The following XYLT1 variants were observed in gnomAD, a reference collection of about 807,000 sequenced individuals.
XYLT1 encodes xylosyltransferase 1.
Under a neutral mutation model 91.3 loss-of-function variants are expected in XYLT1, and 36 were observed. The observed-to-expected ratio is 0.39, with a 90% confidence interval of 0.30 to 0.52. XYLT1 has a LOEUF of 0.52. Among genes scored for constraint, XYLT1 ranks in the 20% least tolerant of loss-of-function variants. XYLT1 has a pLI of 0.68. For synonymous variants in XYLT1, 588 were observed against 532.0 expected, an observed-to-expected ratio of 1.11 and a Z score of -1.45; for missense variants, 1,242 against 1,284.5, an observed-to-expected ratio of 0.97 and a Z score of 0.51.
chr16:17,184,185 C>CTT (rs71390593), intron 5 of XYLT1, among the ~76,000 whole-genome samples: 6,138 of 107,424 alleles, frequency 0.057, 412 homozygotes, highest in African/African-American at 0.11. Context: ...TAAAAGACGG[C>CTT]TTTTTTTTTT....
chr16:17,160,160 G>C (rs1449778881), intron 5 of XYLT1, among the ~76,000 whole-genome samples: 1 of 152,172 alleles, frequency 6.6e-6, no homozygotes, highest in Non-Finnish European at 1.5e-5. Flanking sequence ...TGTGTCCAAG[G>C]ATGTCATTTA....
At chr16:17,127,616 C>T in intron 10 of XYLT1, 50 bp downstream of exon 10, 3 of 1,572,906 alleles carry the variant, frequency 1.9e-6, no homozygotes, top group African/African-American at 1.4e-5. Flanking sequence ...TAGAATCTGG[C>T]CGAGGGAAAT....
rs1367135428 is a variant in XYLT1, at chr16:17,312,521, G to A, written c.402+45491C>T. Among the ~76,000 whole-genome samples, 1 of 152,164 alleles carries A rather than the reference G, an allele frequency of 6.6e-6. No homozygotes were observed. The highest frequency in any genetic ancestry group is 1.5e-5 in the Non-Finnish European group (1 of 68,038). ...GAGGTTGCCAAGATAGCAGAGTTCTGCACTCCCTCACCCAGCTTCCCCCAA... is the reference window on the plus strand; with the variant it reads ...GAGGTTGCCAAGATAGCAGAGTTCTACACTCCCTCACCCAGCTTCCCCCAA... On this transcript the variant is annotated intron_variant, in intron 2 of 11. Transcript: ENST00000261381. The surrounding 1 kb of genome is among the most constrained non-coding windows in gnomAD (Gnocchi z 4.4).
chr16:17,200,427 G>A (rs2032516958), intron 4 of XYLT1, 55 bp downstream of exon 4: 1 of 1,584,118 alleles, frequency 6.3e-7, no homozygotes, highest in African/African-American at 1.3e-5. Context: ...TATCAGGGAG[G>A]GACGGACAGA....
At chr16:17,334,589 G>A (rs2034949804) in intron 2 of XYLT1, among the ~76,000 whole-genome samples, 1 of 152,152 alleles carries the variant, frequency 6.6e-6, no homozygotes. Context: ...ATGTGTAGGT[G>A]TAGCATTTAA....
chr16:17,398,904 G>C (rs1682781526), intron 1 of XYLT1, among the ~76,000 whole-genome samples: 1 of 144,978 alleles, frequency 6.9e-6, no homozygotes, highest in African/African-American at 2.6e-5. Context: ...GAGTGCAGTG[G>C]CTCGATCTCG....
At chr16:17,223,453 A>C (rs2033008638) in intron 3 of XYLT1, among the ~76,000 whole-genome samples, 1 of 152,268 alleles carries the variant, frequency 6.6e-6, no homozygotes, top group Non-Finnish European at 1.5e-5. Flanking sequence ...GTTTGCAGTC[A>C]GGTCTTGCCA....
chr16:17,311,362 CCT>C (rs1308403698), intron 2 of XYLT1, among the ~76,000 whole-genome samples: 3 of 152,176 alleles, frequency 2.0e-5, no homozygotes, highest in Non-Finnish European at 4.4e-5. Context: ...GCTTCAGTAG[CCT>C]GCTCATCAGA....
chr16:17,443,047 T>G (rs1330482729), intron 1 of XYLT1, among the ~76,000 whole-genome samples: 1 of 152,172 alleles, frequency 6.6e-6, no homozygotes, highest in African/African-American at 2.4e-5. Context: ...GCAGACCGCT[T>G]GGGTGCAAAT....
chr16:17,128,411 T>C lies in XYLT1; in HGVS notation c.2028-550A>G, dbSNP rs529455820. Among the ~76,000 whole-genome samples the C allele has an allele frequency of 7.9e-5, 12 of 152,318 alleles. No homozygotes were observed. The East Asian group carries it at 2.3e-3, about 29-fold the overall frequency. On this transcript the variant is annotated intron_variant, in intron 9 of 11. Transcript: ENST00000261381. ...GTGTTTCATCATAGTTAATACCAGA[T>C]TTGATAGAGCAAGTTCTCTAGCATT...
At chr16:17,173,592 C>T (rs1212580578) in intron 5 of XYLT1, among the ~76,000 whole-genome samples, 1 of 152,248 alleles carries the variant, frequency 6.6e-6, no homozygotes, top group Non-Finnish European at 1.5e-5. Flanking sequence ...CACACAGGGA[C>T]AAAGGTTGAA....
chr16:17,107,044 G>A lies in XYLT1; in HGVS notation c.*1651C>T, dbSNP rs1014332204. Reference sequence around the variant, plus strand: ...AATAAAGGCAGCTTCAGTTAGTAAGGTAACATAATTGACAAGCTGCAAAAA... The same window carrying A: ...AATAAAGGCAGCTTCAGTTAGTAAGATAACATAATTGACAAGCTGCAAAAA... On this transcript the variant is annotated 3_prime_UTR_variant, in exon 12 of 12. Coordinates refer to ENST00000261381, the MANE Select transcript of XYLT1 (RefSeq NM_022166.4). 1.3e-5 allele frequency: 2 copies of A among 152,146 alleles called. No individual in the cohort carries two copies. Among genetic ancestry groups the A allele is most frequent in the East Asian group, 3.9e-4 (2 of 5,186 alleles). 9.4% of individuals were successfully genotyped at this position (152,146 alleles called of 1,614,324 possible). A position where few individuals can be genotyped will look rare whatever the true frequency, so the allele number is the denominator to read the frequency against.
intron 3 of XYLT1, among the ~76,000 whole-genome samples, chr16:17,213,972 T>C (rs576848941): frequency 6.6e-6 from 1 of 152,278 alleles, no homozygotes; most frequent in East Asian, 1.9e-4. Context: ...CAGATCCTCC[T>C]CCCTTCTCAA....
At chr16:17,296,030 G>A (rs1048317268) in intron 2 of XYLT1, among the ~76,000 whole-genome samples, 3 of 142,974 alleles carry the variant, frequency 2.1e-5, no homozygotes, top group Non-Finnish European at 4.5e-5. Flanking sequence ...AAGGAAGAAA[G>A]AAAAGACACC....
At chr16:17,112,414 T>C (rs1966843742) in intron 11 of XYLT1, among the ~76,000 whole-genome samples, 1 of 151,906 alleles carries the variant, frequency 6.6e-6, no homozygotes, top group African/African-American at 2.4e-5. Context: ...ATCCTGGGCA[T>C]GTGTAGGGAG....
chr16:17,286,731 G>A (rs1008065762), intron 2 of XYLT1, among the ~76,000 whole-genome samples: 12 of 152,082 alleles, frequency 7.9e-5, no homozygotes, highest in African/African-American at 1.9e-4. Context: ...AATGGAAGAC[G>A]GGGACTTGAA....
chr16:17,247,723 A>C (rs1424425131), intron 3 of XYLT1, among the ~76,000 whole-genome samples: 1 of 152,166 alleles, frequency 6.6e-6, no homozygotes, highest in Non-Finnish European at 1.5e-5. Context: ...CTCCTAATCC[A>C]GGGTCAGGTC....
At chr16:17,433,468 A>G (rs937786042) in intron 1 of XYLT1, among the ~76,000 whole-genome samples, 5 of 152,356 alleles carry the variant, frequency 3.3e-5, no homozygotes, top group East Asian at 1.9e-4. Flanking sequence ...AGGGTTGCCT[A>G]GAATGATCCA....
intron 2 of XYLT1, among the ~76,000 whole-genome samples, chr16:17,308,872 T>C (rs2034504097): frequency 6.6e-6 from 1 of 151,946 alleles, no homozygotes; most frequent in South Asian, 2.1e-4. Context: ...GGATTAGAAG[T>C]AAAATACAAA....
Sources: gnomAD v4.1 joint callset for allele counts (sites outside exome capture counted in the v4.1 genomes callset) on GRCh38, gnomAD v4.1.1 for gene constraint, Gnocchi (gnomAD v3.1) non-coding constraint, MANE v1.5 for transcripts, NCBI Gene and HGNC (gene_info 2026-07-23, HGNC 2026-07-21) for gene names.